The following ZNF736 variants were observed in gnomAD, a reference collection of about 807,000 sequenced individuals.
ZNF736 encodes KRAB-containing zinc-finger repressor protein.
A neutral mutation model predicts 11.7 loss-of-function variants in ZNF736; 6 were observed. The observed-to-expected ratio is 0.51, with a 90% CI of 0.28 to 1.01. The LOEUF is 1.01. ZNF736 is among the 50% of genes least tolerant of loss of function. The probability of loss-of-function intolerance (pLI) is 0.09; values close to 1 mark genes in which losing one functional copy is unlikely to be tolerated. For missense variants in ZNF736, 444 were observed against 496.0 expected (o/e 0.90, Z 1.00); for synonymous variants, 139 against 164.7 (o/e 0.84, Z 1.19).
At chr7:64,343,325 T>C (rs1789364446) in intron 3 of ZNF736, among the ~76,000 whole-genome samples, 1 of 152,150 alleles carries the variant, frequency 6.6e-6, no homozygotes, top group Non-Finnish European at 1.5e-5. Flanking sequence ...AGGCAAATAC[T>C]GCATGTTCTT....
chr7:64,336,853 A>G (rs767685635), intron 2 of ZNF736, 34 bp from the exon 3 acceptor site: 2 of 1,508,616 alleles, frequency 1.3e-6, no homozygotes, highest in East Asian at 2.4e-5. Context: ...AGATTATCCT[A>G]GCAAGAGTCA....
Position 64,355,844 on chromosome 7 carries a change from C to T in ZNF736, c.*6697C>T. The T allele has an allele frequency of 5.6e-6, 1 of 177,468 alleles. No homozygotes were observed. Among genetic ancestry groups the T allele is most frequent in the South Asian group, 1.4e-4 (1 of 7,366 alleles). 11.0% of individuals were successfully genotyped at this position (177,468 alleles called of 1,614,324 possible). ...AGAAGTGTAGTTCTGACAGACATTA[C>T]TGGAAGGTAGAGGTGGGAAACAAGC... is the stretch of plus-strand genomic sequence containing the variant. On this transcript the variant is annotated 3_prime_UTR_variant, in exon 4 of 4. Transcript: ENST00000423484.
In ZNF736 at chr7:64,355,013, A is replaced by G. The variant is rs1033738750; in HGVS notation, c.*5866A>G. 6.6e-6 allele frequency: 1 copy of G among 152,224 alleles called. No individual in the cohort carries two copies. Among genetic ancestry groups the G allele is most frequent in the African/African-American group, 2.4e-5 (1 of 41,462 alleles). The allele number at this position is 152,224 out of a possible 1,614,324, so 9.4% of individuals were successfully genotyped here. On this transcript the variant is annotated 3_prime_UTR_variant, in exon 4 of 4. Coordinates refer to ENST00000423484, the MANE Select transcript of ZNF736 (RefSeq NM_001170905.3). ...CTCAGGTGAAAAATGGAAAATATCT[A>G]TAGTAAAAAAAATGACATTAATTCT...
chr7:64,317,285 CT>C (rs1198021442), intron 1 of ZNF736, among the ~76,000 whole-genome samples: 1 of 152,024 alleles, frequency 6.6e-6, no homozygotes, highest in East Asian at 1.9e-4. Context: ...GTAATTTTTT[CT>C]AAGCTTATAA....
chr7:64,343,928 C>T (rs1034472484), intron 3 of ZNF736, among the ~76,000 whole-genome samples: 5 of 150,288 alleles, frequency 3.3e-5, no homozygotes, highest in Non-Finnish European at 5.9e-5. Flanking sequence ...TAAATATTAC[C>T]CCTATTTTAT....
intron 1 of ZNF736, among the ~76,000 whole-genome samples, chr7:64,325,517 G>A (rs1447790126): frequency 1.3e-5 from 2 of 152,156 alleles, no homozygotes; most frequent in South Asian, 4.1e-4. Flanking sequence ...GCCACTCGTC[G>A]GGTGCCTGAT....
rs561291738 is a variant in ZNF736, at chr7:64,355,303, T to C, written c.*6156T>C. The C allele has an allele frequency of 1.2e-5, 2 of 161,014 alleles. No individual in the cohort carries two copies. Among genetic ancestry groups the C allele is most frequent in the East Asian group, 1.9e-4 (1 of 5,238 alleles). 10.0% of individuals were successfully genotyped at this position (161,014 alleles called of 1,614,324 possible). The stretch of plus-strand genomic sequence containing the variant: ...TCTTTTCATATAGATTAATAAAATA[T>C]GGTTTTAGTCTTCCTTCTCTATATT... On this transcript the variant is annotated 3_prime_UTR_variant, in exon 4 of 4. Coordinates refer to ENST00000423484, the MANE Select transcript of ZNF736 (RefSeq NM_001170905.3).
Position 64,356,305 on chromosome 7 carries a change from G to C in ZNF736, c.*7158G>C, listed in dbSNP as rs2115996925. On this transcript the variant is annotated 3_prime_UTR_variant, in exon 4 of 4. Coordinates refer to ENST00000423484, the MANE Select transcript of ZNF736 (RefSeq NM_001170905.3). The stretch of plus-strand genomic sequence containing the variant: ...AGTTTTACTACTGAAGGCCAGAATA[G>C]ATTTTTTTCTCTTAAATTTTTGGCA... The C allele has an allele frequency of 6.6e-6, 1 of 152,152 alleles. No individual in the cohort carries two copies. Among genetic ancestry groups the C allele is most frequent in the Middle Eastern group, 3.5e-3 (1 of 288 alleles). 9.4% of individuals were successfully genotyped at this position (152,152 alleles called of 1,614,324 possible).
intron 3 of ZNF736, 57 bp from the exon 4 acceptor site, chr7:64,348,032 AT>A: frequency 7.8e-7 from 1 of 1,280,878 alleles, no homozygotes. Flanking sequence ...ATAATTATAT[AT>A]TTGTGAAGTA....
chr7:64,325,250 G>A lies in ZNF736; in HGVS notation c.4-11009G>A, dbSNP rs73366183. 8.5e-3 allele frequency among the ~76,000 whole-genome samples: 1,285 copies of A among 151,964 alleles called. 19 individuals are homozygous for A. The highest frequency in any genetic ancestry group is 0.03 in the African/African-American group (1,232 of 41,456). On this transcript the variant is annotated intron_variant, in intron 1 of 3. Coordinates refer to ENST00000423484, the MANE Select transcript of ZNF736 (RefSeq NM_001170905.3). ...AAGCCAGCCTTGTATAGAAACTGTT[G>A]TAGTCTTGTTAAATTTGTTTTTCGC... is the stretch of plus-strand genomic sequence containing the variant.
intron 3 of ZNF736, 195 bp downstream of exon 3, chr7:64,337,177 C>T (rs1394289604): frequency 3.3e-6 from 2 of 597,812 alleles, no homozygotes; most frequent in Non-Finnish European, 5.9e-6. Context: ...CACTGTACTT[C>T]CCCTTCAGTA....
At chr7:64,346,678 G>A (rs1377715705) in intron 3 of ZNF736, among the ~76,000 whole-genome samples, 1 of 151,848 alleles carries the variant, frequency 6.6e-6, no homozygotes, top group African/African-American at 2.4e-5. Context: ...ATCTCTTTGT[G>A]TTATCTTAGT....
At position 64,350,174 on chromosome 7, in the gene ZNF736, A is replaced by C. The variant is rs1789466959; in HGVS notation, c.*1027A>C. ...ATTTCAAGTTGTTTTCATTCTCCCC[A>C]TCACTTTCAGGCAATCTCTTGCATC... On this transcript the variant is annotated 3_prime_UTR_variant, in exon 4 of 4. Coordinates refer to ENST00000423484, the MANE Select transcript of ZNF736 (RefSeq NM_001170905.3). 1 of 152,134 alleles carries C rather than the reference A, an allele frequency of 6.6e-6. No homozygotes were observed. Among genetic ancestry groups the C allele is most frequent in the African/African-American group, 2.4e-5 (1 of 41,428 alleles). 9.4% of individuals were successfully genotyped at this position (152,134 alleles called of 1,614,324 possible). A position where few individuals can be genotyped will look rare whatever the true frequency, so the allele number is the denominator to read the frequency against.
intron 1 of ZNF736, among the ~76,000 whole-genome samples, chr7:64,328,535 C>T (rs193190119): frequency 6.4e-4 from 98 of 152,078 alleles, no homozygotes; most frequent in African/African-American, 2.1e-3. Context: ...CTGAGGTGGG[C>T]GGATCACAAG....
At chr7:64,330,448 T>C (rs950612378) in intron 1 of ZNF736, among the ~76,000 whole-genome samples, 1 of 152,026 alleles carries the variant, frequency 6.6e-6, no homozygotes, top group Non-Finnish European at 1.5e-5. Context: ...TGAGCCACCG[T>C]GCCCGGCTGG....
rs1361680813 is a variant in ZNF736, at chr7:64,348,824, G to A, written c.961G>A (p.Ala321Thr). The change falls in exon 4 of 4, where the codon GCT becomes ACT. Residue 321 changes from alanine (A) to threonine (T), a missense_variant. Ala to Thr is a moderately conservative substitution (Grantham distance 58). Transcript: ENST00000423484. ...CTACACATGTAATGAATGTGGAAAA[G>A]CTTTTAAGTGGTTCTCGGCCCTTAG... ...KPYTCNECGKAFKWFSALSKH... is the reference protein window; with the variant it reads ...KPYTCNECGKTFKWFSALSKH... The A allele has an allele frequency of 6.3e-7, 1 of 1,589,554 alleles. No individual in the cohort carries two copies. Among genetic ancestry groups the A allele is most frequent in the African/African-American group, 1.4e-5 (1 of 73,916 alleles).
At chr7:64,330,453 G>A (rs750839516) in intron 1 of ZNF736, among the ~76,000 whole-genome samples, 26 of 152,002 alleles carry the variant, frequency 1.7e-4, no homozygotes, top group African/African-American at 5.8e-4. Flanking sequence ...CACCGTGCCC[G>A]GCTGGGAAGT....
intron 1 of ZNF736, among the ~76,000 whole-genome samples, chr7:64,333,088 G>C (rs1449724613): frequency 6.6e-6 from 1 of 152,172 alleles, no homozygotes; most frequent in African/African-American, 2.4e-5. Flanking sequence ...ACAGGCATAA[G>C]AAATTACAAA....
chr7:64,337,755 G>GTTTT lies in ZNF736; in HGVS notation c.226+773_226+774insTTTT, dbSNP rs147991832. Among the ~76,000 whole-genome samples, 107 of 86,230 alleles carry GTTTT rather than the reference G, an allele frequency of 1.2e-3. 1 individual carries two copies. The highest frequency in any genetic ancestry group is 3.9e-3 in the African/African-American group (61 of 15,472). 56.6% of individuals were successfully genotyped at this position (86,230 alleles called of 152,430 possible). ...TGTTTTGTTTTGTTTTGTTTTTTTT[G>GTTTT]GTTTTTTTTTTTTTTTGAGACAGAG... On this transcript the variant is annotated intron_variant, in intron 3 of 3. Coordinates refer to ENST00000423484, the MANE Select transcript of ZNF736 (RefSeq NM_001170905.3).
Sources: allele counts gnomAD v4.1 joint callset (sites outside exome capture counted in the v4.1 genomes callset), GRCh38; gene constraint gnomAD v4.1.1; transcripts MANE v1.5; gene names NCBI Gene and HGNC (gene_info 2026-07-23, HGNC 2026-07-21).